Variants in C4orf51 observed in about 807,000 individuals in gnomAD.
C4orf51 encodes chromosome 4 open reading frame 51.
In C4orf51, 25 loss-of-function variants were observed where a neutral mutation model predicts 25.2. That is an observed-to-expected ratio of 0.99 (90% CI 0.72 to 1.39). C4orf51 has a LOEUF of 1.39. Among genes scored for constraint, C4orf51 ranks in the 40% most tolerant of loss-of-function variants. The pLI is 0.00. For synonymous variants in C4orf51, 100 were observed against 84.5 expected (o/e 1.18, Z -1.01); for missense variants, 252 against 239.6 (o/e 1.05, Z -0.34).
chr4:145,764,293 A>T (rs1331590078), intron 1 of C4orf51, among the ~76,000 whole-genome samples: 1 of 152,196 alleles, frequency 6.6e-6, no homozygotes, highest in Non-Finnish European at 1.5e-5. Context: ...ACTAGGACAT[A>T]CATTTCTTGA....
At chr4:145,756,235 A>C (rs956689930), downstream of C4orf51, among the ~76,000 whole-genome samples, 5 of 152,230 alleles carry the variant, frequency 3.3e-5, no homozygotes, top group African/African-American at 1.2e-4. Context: ...ATGGTCAGGC[A>C]TGGTTCATTG....
downstream of C4orf51, among the ~76,000 whole-genome samples, chr4:145,733,904 T>A (rs1345592323): frequency 6.6e-6 from 1 of 152,350 alleles, no homozygotes; most frequent in Non-Finnish European, 1.5e-5. Flanking sequence ...GTCTAGTACC[T>A]CATGATCCTG....
intron 2 of C4orf51, among the ~76,000 whole-genome samples, chr4:145,712,854 G>C (rs1019720626): frequency 3.9e-5 from 6 of 152,200 alleles, no homozygotes; most frequent in Admixed American, 2.6e-4. Flanking sequence ...TCAAAGGATA[G>C]GCTGACTCTC....
At chr4:145,764,784 C>A in intron 1 of C4orf51, 1 of 647,872 alleles carries the variant, frequency 1.5e-6, no homozygotes, top group South Asian at 1.9e-5. Flanking sequence ...AAAATGGATT[C>A]TCCTACTGAC....
chr4:145,692,986 C>A (rs1729706058), intron 1 of C4orf51, among the ~76,000 whole-genome samples: 1 of 85,784 alleles, frequency 1.2e-5, no homozygotes, highest in Non-Finnish European at 2.8e-5. Flanking sequence ...TTTTGTAAGT[C>A]CCATCAGGTG....
chr4:145,696,719 T>C, intron 2 of C4orf51, 87 bp downstream of exon 2: 1 of 957,410 alleles, frequency 1.0e-6, no homozygotes, highest in Non-Finnish European at 1.6e-6. Context: ...TCTCTCACTT[T>C]ACTGAGATAT....
intron 2 of C4orf51, among the ~76,000 whole-genome samples, chr4:145,706,292 T>C (rs1337154070): frequency 6.6e-6 from 1 of 152,198 alleles, no homozygotes; most frequent in Non-Finnish European, 1.5e-5. Flanking sequence ...AGACTCCTTT[T>C]AAAATTGGCT....
In C4orf51 at chr4:145,765,704, G is replaced by A. The variant is rs772809074; in HGVS notation, n.167-5284G>A. The A allele has an allele frequency of 6.2e-7, 1 of 1,614,116 alleles. No homozygotes were observed. The highest frequency in any genetic ancestry group is 1.7e-5 in the Admixed American group (1 of 60,016). On this transcript the variant is annotated intron_variant and non_coding_transcript_variant, in intron 1 of 1. Transcript: ENST00000510096. This position sits in a 1 kb window ranked among gnomAD's most constrained non-coding sequence, Gnocchi z 4.7. ...GAGCTGAGAGGGAGGATGAAGAGGG[G>A]CTATTTGATTCGCTGGGGGTCTTCC...
At chr4:145,682,438 T>A (rs1312976785) in intron 1 of C4orf51, among the ~76,000 whole-genome samples, 1 of 152,224 alleles carries the variant, frequency 6.6e-6, no homozygotes, top group Non-Finnish European at 1.5e-5. Context: ...TAAAATTCCA[T>A]AAGGCTATAG....
Position 145,730,754 on chromosome 4 carries a change from A to G in C4orf51, c.501+789A>G, listed in dbSNP as rs372436308. Among the ~76,000 whole-genome samples the G allele has an allele frequency of 3.3e-5, 5 of 152,144 alleles. No individual in the cohort carries two copies. In the East Asian group the frequency reaches 5.8e-4, roughly 18 times the overall value. ...AAAAAATGTTATACAAGTACTACCT[A>G]ACAGTATCACAAGAACCACCAGTTA... is the stretch of plus-strand genomic sequence containing the variant. On this transcript the variant is annotated intron_variant, in intron 5 of 5. Coordinates refer to ENST00000438731, the MANE Select transcript of C4orf51 (RefSeq NM_001080531.3).
chr4:145,735,304 A>G (rs996760021), downstream of C4orf51, among the ~76,000 whole-genome samples: 9 of 152,170 alleles, frequency 5.9e-5, no homozygotes, highest in African/African-American at 1.9e-4. Flanking sequence ...AAGAGTAACT[A>G]TGGGCAAAAT....
At chr4:145,697,058 C>A (rs1175356099) in intron 2 of C4orf51, among the ~76,000 whole-genome samples, 4 of 150,986 alleles carry the variant, frequency 2.6e-5, no homozygotes, top group Admixed American at 6.6e-5. Flanking sequence ...AACCAACCAA[C>A]CAACCAAACA....
chr4:145,701,610 G>A (rs1455617834), intron 2 of C4orf51, among the ~76,000 whole-genome samples: 1 of 151,530 alleles, frequency 6.6e-6, no homozygotes, highest in South Asian at 2.1e-4. Context: ...CACGGATGCC[G>A]AGCTTCGGGT....
chr4:145,753,670 T>C (rs1260580198), intron 1 of C4orf51, among the ~76,000 whole-genome samples: 1 of 152,190 alleles, frequency 6.6e-6, no homozygotes, highest in Non-Finnish European at 1.5e-5. Context: ...CATGGTGAGT[T>C]TGGACCTAAG....
At chr4:145,697,051 C>A (rs1007198007) in intron 2 of C4orf51, among the ~76,000 whole-genome samples, 25 of 149,702 alleles carry the variant, frequency 1.7e-4, no homozygotes, top group South Asian at 2.1e-4. Context: ...AAAACAAAAC[C>A]AACCAACCAA....
intron 1 of C4orf51, among the ~76,000 whole-genome samples, chr4:145,747,588 T>G (rs1226807567): frequency 1.3e-5 from 2 of 152,136 alleles, no homozygotes; most frequent in African/African-American, 4.8e-5. Flanking sequence ...AATGTGTCAT[T>G]AAATTCAGTT....
At chr4:145,769,376 T>G (rs1735904850) in intron 1 of C4orf51, among the ~76,000 whole-genome samples, 1 of 152,194 alleles carries the variant, frequency 6.6e-6, no homozygotes, top group South Asian at 2.1e-4. Context: ...CCTGAATCCC[T>G]GATACTGCAA....
chr4:145,775,744 A>G (rs1250859537), downstream of C4orf51: 1 of 1,609,958 alleles, frequency 6.2e-7, no homozygotes, highest in Admixed American at 1.7e-5. Context: ...TGTTGAAGTC[A>G]AGAGTCTGAG....
At chr4:145,778,451 T>A in the C4orf51 span, among the ~76,000 whole-genome samples, 16 of 152,140 alleles carry the variant, frequency 1.1e-4, no homozygotes, top group African/African-American at 3.1e-4. Flanking sequence ...CCTTTTTTTT[T>A]TAAAAAAGTT....
Sources: allele counts gnomAD v4.1 joint callset (sites outside exome capture counted in the v4.1 genomes callset), GRCh38; gene constraint gnomAD v4.1.1; non-coding constraint Gnocchi (gnomAD v3.1); transcripts MANE v1.5; gene names NCBI Gene and HGNC (gene_info 2026-07-23, HGNC 2026-07-21).